The following KAZN variants were observed in gnomAD, a reference collection of about 807,000 sequenced individuals.
The protein encoded by KAZN is kazrin, periplakin interacting protein.
KAZN carries 40 observed loss-of-function variants against 87.4 expected under a neutral mutation model. That is an observed-to-expected ratio of 0.46 (90% CI 0.36 to 0.60). The LOEUF (loss-of-function observed/expected upper bound fraction) is 0.60, where lower values mean the gene tolerates loss of function less well. KAZN is among the 20% of genes least tolerant of loss of function. The probability of loss-of-function intolerance (pLI) is 0.00; values close to 1 mark genes in which losing one functional copy is unlikely to be tolerated. For missense variants in KAZN, 898 were observed against 1,073.9 expected, an observed-to-expected ratio of 0.84 and a Z score of 2.29; for synonymous variants, 466 against 458.3, an observed-to-expected ratio of 1.02 and a Z score of -0.22.
chr1:13,994,648 C>T (rs761747805), intron 1 of KAZN, among the ~76,000 whole-genome samples: 1 of 152,076 alleles, frequency 6.6e-6, no homozygotes, highest in Non-Finnish European at 1.5e-5. Context: ...ATAAATGTAA[C>T]CAGACGGTTC....
intron 2 of KAZN, among the ~76,000 whole-genome samples, chr1:14,590,942 T>C (rs1341446245): frequency 6.6e-6 from 1 of 152,138 alleles, no homozygotes; most frequent in Non-Finnish European, 1.5e-5. Flanking sequence ...CTAGAGCCTA[T>C]GCATTGGAGC....
At chr1:15,075,055 T>G (rs998104319) in intron 8 of KAZN, among the ~76,000 whole-genome samples, 1 of 152,120 alleles carries the variant, frequency 6.6e-6, no homozygotes, top group Non-Finnish European at 1.5e-5. Context: ...AGTTCAGCAA[T>G]TAGCCCAAGC....
chr1:14,561,785 T>TCCCAGCTA (rs1457396028), intron 2 of KAZN, among the ~76,000 whole-genome samples: 3 of 151,800 alleles, frequency 2.0e-5, no homozygotes, highest in Non-Finnish European at 4.4e-5. Flanking sequence ...GCACCTGTAA[T>TCCCAGCTA]CCCAGCTACT....
At chr1:14,233,933 G>A (rs983013531) in intron 2 of KAZN, among the ~76,000 whole-genome samples, 7 of 152,168 alleles carry the variant, frequency 4.6e-5, no homozygotes, top group East Asian at 1.9e-4. Context: ...AAATAGGAAC[G>A]CTTTTACACT....
At chr1:14,096,117 A>G (rs969131260) in intron 1 of KAZN, among the ~76,000 whole-genome samples, 3 of 152,230 alleles carry the variant, frequency 2.0e-5, no homozygotes, top group African/African-American at 7.2e-5. Flanking sequence ...TGGAATAAGA[A>G]GGCAATAATC....
intron 2 of KAZN, among the ~76,000 whole-genome samples, chr1:14,311,770 A>G (rs575456872): frequency 6.6e-6 from 1 of 152,220 alleles, no homozygotes; most frequent in South Asian, 2.1e-4. Context: ...GGATGGGTGG[A>G]TGGATGAATA....
chr1:14,600,666 CAAAAAAAA>C (rs59840012), intron 1 of KAZN, among the ~76,000 whole-genome samples: 1,614 of 118,448 alleles, frequency 0.014, 38 homozygotes, highest in East Asian at 0.083. Context: ...GGAACCTGTG[CAAAAAAAA>C]AAAAAAAAAA....
At chr1:13,983,305 C>T (rs1478036930) in intron 1 of KAZN, among the ~76,000 whole-genome samples, 2 of 152,220 alleles carry the variant, frequency 1.3e-5, no homozygotes, top group Non-Finnish European at 2.9e-5. Flanking sequence ...CGAGCCCTGC[C>T]CCACGGGAAG....
intron 8 of KAZN, among the ~76,000 whole-genome samples, chr1:15,088,355 G>C (rs1640365585): frequency 1.3e-5 from 2 of 152,154 alleles, no homozygotes; most frequent in Non-Finnish European, 2.9e-5. Flanking sequence ...GTCACACTCA[G>C]TAGTACTAAC....
chr1:14,131,312 G>A (rs10489146), intron 1 of KAZN, among the ~76,000 whole-genome samples: 86,862 of 152,020 alleles, frequency 0.57, 26,062 homozygotes, highest in East Asian at 0.76. Context: ...CCATATTACA[G>A]TGTGATGAGT....
chr1:14,439,166 A>C (rs563118466), intron 2 of KAZN, among the ~76,000 whole-genome samples: 2 of 152,220 alleles, frequency 1.3e-5, no homozygotes, highest in Non-Finnish European at 2.9e-5. Flanking sequence ...CCCTGCTCAC[A>C]GTGTCTTCTT....
chr1:13,953,187 C>A (rs960346400), intron 1 of KAZN, among the ~76,000 whole-genome samples: 1 of 150,830 alleles, frequency 6.6e-6, no homozygotes, highest in Non-Finnish European at 1.5e-5. Flanking sequence ...CTCCTCTCAC[C>A]CCTTACATGT....
intron 1 of KAZN, among the ~76,000 whole-genome samples, chr1:14,009,319 T>C (rs1398110398): frequency 2.6e-5 from 4 of 152,244 alleles, no homozygotes; most frequent in African/African-American, 4.8e-5. Flanking sequence ...GCTAGGTATA[T>C]ACCTGGAGGT....
intron 1 of KAZN, among the ~76,000 whole-genome samples, chr1:14,733,500 G>A (rs1226508867): frequency 6.6e-6 from 1 of 152,180 alleles, no homozygotes; most frequent in East Asian, 1.9e-4. Flanking sequence ...TCGTGCCGTA[G>A]GGTGGGACCT....
chr1:15,092,143 C>T lies in KAZN; in HGVS notation c.1223-2037C>T, dbSNP rs113764601. On this transcript the variant is annotated intron_variant, in intron 8 of 14. Coordinates refer to ENST00000376030, the MANE Select transcript of KAZN (RefSeq NM_201628.3). ...CCAGGCTGGAGTGCAATGGCGCAAT[C>T]TCGGCTCACCTCAACCTCCGCCTCC... Among the ~76,000 whole-genome samples the T allele has an allele frequency of 8.0e-3, 1,042 of 130,996 alleles. 14 individuals are homozygous for T. The highest frequency in any genetic ancestry group is 0.029 in the African/African-American group (985 of 34,214). 85.9% of individuals were successfully genotyped at this position (130,996 alleles called of 152,430 possible).
chr1:15,034,919 G>A (rs774596606), intron 3 of KAZN, 34 bp downstream of exon 3: 44 of 1,067,788 alleles, frequency 4.1e-5, no homozygotes, highest in African/African-American at 5.4e-5. Context: ...CTCCCCTCCC[G>A]ACACACCAGC....
At chr1:14,367,570 G>A (rs1413566745) in intron 2 of KAZN, among the ~76,000 whole-genome samples, 1 of 152,124 alleles carries the variant, frequency 6.6e-6, no homozygotes, top group Non-Finnish European at 1.5e-5. Flanking sequence ...TGAGGGTGGA[G>A]CCCTTGCCTC....
At chr1:14,915,601 T>A (rs1437042417) in intron 1 of KAZN, among the ~76,000 whole-genome samples, 1 of 152,156 alleles carries the variant, frequency 6.6e-6, no homozygotes, top group Non-Finnish European at 1.5e-5. Flanking sequence ...GAGTCCCCCC[T>A]CTTTATGAAG....
intron 2 of KAZN, among the ~76,000 whole-genome samples, chr1:14,535,941 T>C (rs1438708937): frequency 6.6e-6 from 1 of 152,126 alleles, no homozygotes; most frequent in African/African-American, 2.4e-5. Flanking sequence ...TTGTTGAAAA[T>C]AGAATAGCCT....
Sources: gnomAD v4.1 joint callset for allele counts (sites outside exome capture counted in the v4.1 genomes callset) on GRCh38, gnomAD v4.1.1 for gene constraint, MANE v1.5 for transcripts, NCBI Gene and HGNC (gene_info 2026-07-23, HGNC 2026-07-21) for gene names.